The following CRTAC1 variants were observed in gnomAD, a reference collection of about 807,000 sequenced individuals.
CRTAC1 encodes the protein cartilage acidic protein 1.
Under a neutral mutation model 67.8 loss-of-function variants are expected in CRTAC1, and 37 were observed. That is an observed-to-expected ratio of 0.55 (90% CI 0.42 to 0.72). The LOEUF (loss-of-function observed/expected upper bound fraction) is 0.72, where lower values mean the gene tolerates loss of function less well. Ranked by LOEUF, CRTAC1 falls within the 30% of genes least tolerant of loss-of-function variation. CRTAC1 has a pLI of 0.00. For missense variants in CRTAC1, 780 were observed against 931.6 expected (o/e 0.84, Z 2.12); for synonymous variants, 348 against 371.0 (o/e 0.94, Z 0.71).
chr10:97,917,670 G>A lies in CRTAC1; in HGVS notation c.559-14C>T, dbSNP rs753559772. ...GCGTCCAGAGCCCTGAGGAAGAAGG[G>A]AAGGGAGAGGTGAGCAGGGCCACCT... On this transcript the variant is annotated splice_polypyrimidine_tract_variant and intron_variant, in intron 4 of 14. Coordinates refer to ENST00000370597, the MANE Select transcript of CRTAC1 (RefSeq NM_018058.7). The A allele has an allele frequency of 1.0e-5, 16 of 1,528,970 alleles. No individual in the cohort carries two copies. Among genetic ancestry groups the A allele is most frequent in the Non-Finnish European group, 1.3e-5 (15 of 1,126,680 alleles). The allele number at this position is 1,528,970 out of a possible 1,614,324, so 94.7% of individuals were successfully genotyped here.
intron 2 of CRTAC1, among the ~76,000 whole-genome samples, chr10:97,956,439 A>T (rs530330752): frequency 6.6e-6 from 1 of 152,284 alleles, no homozygotes; most frequent in East Asian, 1.9e-4. Flanking sequence ...TCCGGCACAC[A>T]ATTATACTCT....
intron 11 of CRTAC1, among the ~76,000 whole-genome samples, chr10:97,885,933 T>C (rs1311423309): frequency 6.6e-6 from 1 of 152,272 alleles, no homozygotes; most frequent in Admixed American, 6.5e-5. Context: ...TTAAAATTGC[T>C]GTTGAATGTA....
Position 97,865,564 on chromosome 10 carries a change from C to A in CRTAC1, c.1970G>T (p.Cys657Phe), listed in dbSNP as rs1327573477. ...LNLGSVVKES[C>F]EPSC ...CACCCCTGCTCAGCAGCTGGGCTCGCAGCTCTCCTTAACCACCGACCCCAG... is the reference window on the plus strand; with the variant it reads ...CACCCCTGCTCAGCAGCTGGGCTCGAAGCTCTCCTTAACCACCGACCCCAG... Residue 657 changes from cysteine (C) to phenylalanine (F), a missense_variant, in exon 15 of 15, where the codon TGC becomes TTC. Cys to Phe is a radical substitution (Grantham distance 205). Coordinates refer to ENST00000370597, the MANE Select transcript of CRTAC1 (RefSeq NM_018058.7). The A allele has an allele frequency of 1.2e-6, 2 of 1,609,908 alleles. No individual in the cohort carries two copies. The highest frequency in any genetic ancestry group is 1.7e-5 in the Admixed American group (1 of 59,906).
At chr10:97,913,694 G>A (rs903542048) in intron 5 of CRTAC1, among the ~76,000 whole-genome samples, 1 of 152,194 alleles carries the variant, frequency 6.6e-6, no homozygotes, top group African/African-American at 2.4e-5. Flanking sequence ...GGCCCGTGCT[G>A]CACTTCCTGG....
Position 97,950,039 on chromosome 10 carries a change from G to A in CRTAC1, c.225-13673C>T, listed in dbSNP as rs183143347. On this transcript the variant is annotated intron_variant, in intron 2 of 14. Coordinates refer to ENST00000370597, the MANE Select transcript of CRTAC1 (RefSeq NM_018058.7). ...TGTAGCCTTGAGTACAGAAGACTGTGAGCTCCATGGAGTTCTGGTCTATAT... is the reference window on the plus strand; with the variant it reads ...TGTAGCCTTGAGTACAGAAGACTGTAAGCTCCATGGAGTTCTGGTCTATAT... 3.7e-3 allele frequency among the ~76,000 whole-genome samples: 565 copies of A among 152,270 alleles called. 3 individuals carry two copies. The highest frequency in any genetic ancestry group is 5.4e-3 in the Admixed American group (82 of 15,298).
chr10:97,897,230 T>A (rs1332686981), intron 8 of CRTAC1, among the ~76,000 whole-genome samples: 1 of 152,196 alleles, frequency 6.6e-6, no homozygotes, highest in Non-Finnish European at 1.5e-5. Flanking sequence ...GGATGAATTA[T>A]AGGCAGCCTG....
Position 97,916,283 on chromosome 10 carries a change from T to C in CRTAC1, c.715+1217A>G, listed in dbSNP as rs116596890. The stretch of plus-strand genomic sequence containing the variant: ...AGGCTGAAGCGCCTGCATGTTTATT[T>C]CTTTTCCGGGGGAAACATAGTTTAT... On this transcript the variant is annotated intron_variant, in intron 5 of 14. Transcript: ENST00000370597. Among the ~76,000 whole-genome samples the C allele has an allele frequency of 5.5e-3, 833 of 152,304 alleles. 13 individuals are homozygous for C. Among genetic ancestry groups the C allele is most frequent in the African/African-American group, 0.018 (754 of 41,562 alleles).
intron 2 of CRTAC1, among the ~76,000 whole-genome samples, chr10:97,952,886 T>C (rs561809180): frequency 3.9e-5 from 6 of 152,210 alleles, no homozygotes; most frequent in Non-Finnish European, 8.8e-5. Flanking sequence ...CAATTCACAA[T>C]GCATTTGATT....
At chr10:97,959,746 T>C (rs2051495429) in intron 2 of CRTAC1, among the ~76,000 whole-genome samples, 1 of 152,222 alleles carries the variant, frequency 6.6e-6, no homozygotes, top group South Asian at 2.1e-4. Flanking sequence ...CCTCTGTATG[T>C]AAGCCCCTAA....
chr10:97,957,957 C>T (rs939872919), intron 2 of CRTAC1, among the ~76,000 whole-genome samples: 6 of 152,122 alleles, frequency 3.9e-5, no homozygotes, highest in African/African-American at 1.4e-4. Context: ...ACCCAATACC[C>T]CCAGGGCTGC....
At chr10:98,004,685 A>G (rs1189606053) in intron 2 of CRTAC1, among the ~76,000 whole-genome samples, 4 of 152,150 alleles carry the variant, frequency 2.6e-5, no homozygotes, top group Admixed American at 2.6e-4. Context: ...GGCAAAATGA[A>G]TACAGTACAT....
At chr10:98,006,569 C>T (rs998638084) in intron 2 of CRTAC1, among the ~76,000 whole-genome samples, 7 of 152,146 alleles carry the variant, frequency 4.6e-5, no homozygotes, top group African/African-American at 9.7e-5. Context: ...CAAACCGACC[C>T]GCAACAAGCT....
At chr10:98,009,691 C>T (rs1325673048) in intron 2 of CRTAC1, among the ~76,000 whole-genome samples, 1 of 152,206 alleles carries the variant, frequency 6.6e-6, no homozygotes, top group East Asian at 1.9e-4. Context: ...ATGTTACCCG[C>T]CAGTTACTTT....
intron 6 of CRTAC1, among the ~76,000 whole-genome samples, chr10:97,906,679 G>A (rs2050617081): frequency 6.6e-6 from 1 of 152,190 alleles, no homozygotes; most frequent in Admixed American, 6.5e-5. Context: ...CCAGGTGGGA[G>A]GACAGGCCAG....
intron 1 of CRTAC1, among the ~76,000 whole-genome samples, chr10:98,018,258 G>A (rs1354104340): frequency 6.8e-6 from 1 of 146,670 alleles, no homozygotes; most frequent in African/African-American, 2.6e-5. Context: ...ACCAACATTG[G>A]GAGTTAGCAA....
chr10:97,997,304 T>C (rs1590276074), intron 2 of CRTAC1, among the ~76,000 whole-genome samples: 1 of 130,320 alleles, frequency 7.7e-6, no homozygotes, highest in Admixed American at 7.3e-5. Flanking sequence ...AAAAAAAAAA[T>C]TAGCCAGGTG....
intron 2 of CRTAC1, among the ~76,000 whole-genome samples, chr10:97,998,831 T>G (rs1180306528): frequency 6.6e-6 from 1 of 151,896 alleles, no homozygotes; most frequent in Non-Finnish European, 1.5e-5. Flanking sequence ...ATGCCAAGAG[T>G]AGGGGTTCAG....
intron 8 of CRTAC1, among the ~76,000 whole-genome samples, chr10:97,900,652 T>G (rs1003300228): frequency 7.1e-6 from 1 of 141,130 alleles, no homozygotes; most frequent in Non-Finnish European, 1.5e-5. Flanking sequence ...CCCCTTTCTG[T>G]GGTAGTGATT....
At chr10:97,884,068 G>T in intron 12 of CRTAC1, 138 bp downstream of exon 12, 2 of 923,606 alleles carry the variant, frequency 2.2e-6, no homozygotes, top group Non-Finnish European at 3.2e-6. Flanking sequence ...GGAGGGATCA[G>T]TATGAAGCCT....
Sources: allele counts gnomAD v4.1 joint callset (sites outside exome capture counted in the v4.1 genomes callset), GRCh38; gene constraint gnomAD v4.1.1; transcripts MANE v1.5; gene names NCBI Gene and HGNC (gene_info 2026-07-23, HGNC 2026-07-21).